Variants in CPNE5 observed in about 807,000 individuals in gnomAD.
CPNE5 encodes copine 5.
In CPNE5, 42 loss-of-function variants were observed where a neutral mutation model predicts 81.1. That is an observed-to-expected ratio of 0.52 (90% CI 0.40 to 0.67). The LOEUF is 0.67. Among genes scored for constraint, CPNE5 ranks in the 30% least tolerant of loss-of-function variants. The probability of loss-of-function intolerance (pLI) is 0.00; values close to 1 mark genes in which losing one functional copy is unlikely to be tolerated. For missense variants in CPNE5, 612 were observed against 815.5 expected, an observed-to-expected ratio of 0.75 and a Z score of 3.04; for synonymous variants, 313 against 321.5, an observed-to-expected ratio of 0.97 and a Z score of 0.28.
intron 3 of CPNE5, among the ~76,000 whole-genome samples, chr6:36,815,936 C>T (rs1252901522): frequency 6.6e-6 from 1 of 152,222 alleles, no homozygotes; most frequent in Non-Finnish European, 1.5e-5. Flanking sequence ...TCAGCCAAGA[C>T]AGCTGCCTGG....
Position 36,744,281 on chromosome 6 carries a change from C to A in CPNE5, c.1476G>T (p.Gln492His). Residue 492 changes from glutamine (Q) to histidine (H), a missense_variant, in exon 19 of 21, where the codon CAG (glutamine) becomes CAT (histidine). Coordinates refer to ENST00000244751, the MANE Select transcript of CPNE5 (RefSeq NM_020939.2). ...AGCTGGACTCACCGTCGAACTCTGC[C>A]TGGCCCACGCCGACGATAATGATGG... Reference protein sequence around the residue: ...PMSIIIVGVGQAEFDAMVELD... With the variant: ...PMSIIIVGVGHAEFDAMVELD... 1 of 1,581,634 alleles carries A rather than the reference C, an allele frequency of 6.3e-7. No homozygotes were observed. Among genetic ancestry groups the A allele is most frequent in the Non-Finnish European group, 8.6e-7 (1 of 1,164,404 alleles).
chr6:36,822,188 A>G, intron 2 of CPNE5, 28 bp from the exon 3 acceptor site: 1 of 1,478,882 alleles, frequency 6.8e-7, no homozygotes, highest in South Asian at 1.3e-5. Context: ...ACAGTGGATT[A>G]ATACCTCAGG....
intron 14 of CPNE5, among the ~76,000 whole-genome samples, chr6:36,748,997 C>T (rs146723921): frequency 1.1e-3 from 173 of 152,264 alleles, no homozygotes; most frequent in Non-Finnish European, 2.0e-3. Context: ...AATGCAGTGG[C>T]GTGATCACAG....
intron 3 of CPNE5, among the ~76,000 whole-genome samples, chr6:36,809,290 AC>A (rs1770884916): frequency 6.6e-6 from 1 of 151,962 alleles, no homozygotes; most frequent in Non-Finnish European, 1.5e-5. Context: ...AGAGTCCTCA[AC>A]CCTCCTGTGA....
chr6:36,817,382 C>T (rs137972335), intron 3 of CPNE5, among the ~76,000 whole-genome samples: 5 of 152,258 alleles, frequency 3.3e-5, no homozygotes, highest in South Asian at 4.1e-4. Context: ...GGGTGGCCCA[C>T]GTGGCTGAGC....
intron 10 of CPNE5, 101 bp from the exon 11 acceptor site, chr6:36,765,477 A>C: frequency 2.1e-6 from 3 of 1,399,510 alleles, no homozygotes; most frequent in Non-Finnish European, 3.0e-6. Context: ...GGAGGCCAGG[A>C]CTCCCTCTGG....
At chr6:36,798,009 C>A (rs949346228) in intron 6 of CPNE5, among the ~76,000 whole-genome samples, 156 bp downstream of exon 6, 1 of 152,058 alleles carries the variant, frequency 6.6e-6, no homozygotes, top group East Asian at 1.9e-4. Flanking sequence ...GATTAGAAGC[C>A]CTGTGAGAGC....
At chr6:36,810,139 G>T (rs1459377584) in intron 3 of CPNE5, among the ~76,000 whole-genome samples, 2 of 151,996 alleles carry the variant, frequency 1.3e-5, no homozygotes, top group Non-Finnish European at 2.9e-5. Flanking sequence ...TCAGGCATGC[G>T]TGGGTGGCTC....
At chr6:36,806,297 G>A (rs557759810) in intron 3 of CPNE5, among the ~76,000 whole-genome samples, 2 of 152,302 alleles carry the variant, frequency 1.3e-5, no homozygotes, top group Non-Finnish European at 2.9e-5. Context: ...GTGGCTTCCA[G>A]TGGGGTTTGG....
intron 3 of CPNE5, among the ~76,000 whole-genome samples, chr6:36,817,299 C>G (rs565443619): frequency 6.6e-6 from 1 of 151,860 alleles, no homozygotes; most frequent in Non-Finnish European, 1.5e-5. Flanking sequence ...CACTCCAGCC[C>G]GGGCAAAAAG....
chr6:36,749,661 T>C (rs201097935), intron 14 of CPNE5, among the ~76,000 whole-genome samples: 4 of 139,434 alleles, frequency 2.9e-5, no homozygotes, highest in African/African-American at 5.3e-5. Flanking sequence ...ACCTCAAAAA[T>C]AAAAAAAAAA....
chr6:36,802,198 A>G (rs573426307), intron 3 of CPNE5, among the ~76,000 whole-genome samples: 15 of 134,774 alleles, frequency 1.1e-4, no homozygotes, highest in Non-Finnish European at 2.1e-4. Flanking sequence ...CAGCCTGGCA[A>G]CAGAGTGAGA....
At chr6:36,768,064 CCA>C (rs1319914001) in intron 10 of CPNE5, among the ~76,000 whole-genome samples, 1 of 151,918 alleles carries the variant, frequency 6.6e-6, no homozygotes, top group Non-Finnish European at 1.5e-5. Flanking sequence ...GGCCTGGCCT[CCA>C]TTAAGGCTCC....
chr6:36,811,399 G>C (rs1316171525), intron 3 of CPNE5, among the ~76,000 whole-genome samples: 1 of 152,216 alleles, frequency 6.6e-6, no homozygotes, highest in Non-Finnish European at 1.5e-5. Context: ...AGCCATTATT[G>C]AGCTTTTTCT....
intron 1 of CPNE5, among the ~76,000 whole-genome samples, chr6:36,828,106 G>C (rs1323658344): frequency 6.6e-6 from 1 of 151,896 alleles, no homozygotes; most frequent in African/African-American, 2.4e-5. Flanking sequence ...ACACTGGAAG[G>C]GCAAAATGAG....
intron 1 of CPNE5, among the ~76,000 whole-genome samples, chr6:36,826,679 G>A (rs1772529930): frequency 6.6e-6 from 1 of 152,206 alleles, no homozygotes; most frequent in African/African-American, 2.4e-5. Flanking sequence ...GTAGTGGCCT[G>A]GCAAGCTGGA....
chr6:36,832,374 A>C (rs2150619622), intron 1 of CPNE5, among the ~76,000 whole-genome samples: 1 of 152,300 alleles, frequency 6.6e-6, no homozygotes, highest in Middle Eastern at 3.4e-3. Flanking sequence ...CCCTGTCCCT[A>C]GTCTAGGAGT....
chr6:36,839,287 A>C lies in CPNE5; in HGVS notation c.91T>G (p.Cys31Gly). ...CCCGGCCAGCGGGAGGCTCACCTGC[A>C]GGACACGGTGATCTCCACCTTGGTG... ...PATKVEITVS[C>G]RNLLDKDMFS... is the part of the protein sequence containing the mutation. Residue 31 changes from cysteine to glycine, a missense_variant, in exon 1 of 21, where the codon TGC (cysteine) becomes GGC (glycine). Transcript: ENST00000244751. The surrounding 1 kb of genome is among the most constrained non-coding windows in gnomAD (Gnocchi z 7.3). 1.3e-6 allele frequency: 2 copies of C among 1,540,634 alleles called. No individual in the cohort carries two copies. Among genetic ancestry groups the C allele is most frequent in the Non-Finnish European group, 1.8e-6 (2 of 1,140,654 alleles).
At chr6:36,757,221 A>C in intron 12 of CPNE5, 1 of 566,238 alleles carries the variant, frequency 1.8e-6, no homozygotes, top group South Asian at 7.7e-5. Flanking sequence ...TGTTTTTAAT[A>C]AGGGAAGTCT....
Sources: gnomAD v4.1 joint callset for allele counts (sites outside exome capture counted in the v4.1 genomes callset) on GRCh38, gnomAD v4.1.1 for gene constraint, Gnocchi (gnomAD v3.1) non-coding constraint, MANE v1.5 for transcripts, NCBI Gene and HGNC (gene_info 2026-07-23, HGNC 2026-07-21) for gene names.